EIF2S3B: variants seen among roughly 807,000 people sequenced by gnomAD.
EIF2S3B encodes the protein eukaryotic translation initiation factor 2 subunit 3B.
A neutral mutation model predicts 26.4 loss-of-function variants in EIF2S3B; 16 were observed. The observed-to-expected ratio is 0.61, with a 90% CI of 0.41 to 0.92. The LOEUF is 0.92. EIF2S3B is among the 40% of genes least tolerant of loss of function. EIF2S3B has a pLI of 0.00. For synonymous variants in EIF2S3B, 183 were observed against 204.4 expected (o/e 0.90, Z 0.89); for missense variants, 510 against 575.5 (o/e 0.89, Z 1.16).
At chr12:10,521,000 T>C (rs1358897906) in intron 1 of EIF2S3B, among the ~76,000 whole-genome samples, 1 of 152,198 alleles carries the variant, frequency 6.6e-6, no homozygotes, top group African/African-American at 2.4e-5. Flanking sequence ...TATTAGACTT[T>C]TAGGCTGTCT....
At chr12:10,517,821 T>C (rs967009934) in intron 1 of EIF2S3B, among the ~76,000 whole-genome samples, 5 of 152,146 alleles carry the variant, frequency 3.3e-5, no homozygotes, top group Non-Finnish European at 7.3e-5. Flanking sequence ...TCTTTGTTCT[T>C]GTTGGTTTCA....
chr12:10,506,434 G>A lies in EIF2S3B; in HGVS notation c.532G>A (p.Glu178Lys). The A allele has an allele frequency of 6.2e-7, 1 of 1,613,602 alleles. No individual in the cohort carries two copies. The highest frequency in any genetic ancestry group is 8.5e-7 in the Non-Finnish European group (1 of 1,179,536). Residue 178 changes from glutamate to lysine, a missense_variant, in exon 1 of 1, where the codon GAG becomes AAG. By Grantham distance (56) the Glu-to-Lys change is moderately conservative. Coordinates refer to ENST00000538173, the MANE Select transcript of EIF2S3B (RefSeq NM_001357734.3). ...PQTSEHLAAI[E>K]IMKLKHILIL... is the part of the protein sequence containing the mutation. Reference sequence around the variant, plus strand: ...GACATCTGAACACCTGGCTGCTATAGAGATCATGAAACTGAAGCATATTTT... The same window carrying A: ...GACATCTGAACACCTGGCTGCTATAAAGATCATGAAACTGAAGCATATTTT...
rs1165575886 is a variant in EIF2S3B, at chr12:10,507,112, C to G, written c.1210C>G (p.Leu404Val). ...KVQKLSKNEV[L>V]MVNIGSLSTG... ...TCAAAAGCTGTCTAAGAATGAAGTG[C>G]TCATGGTGAACATAGGATCCCTGTC... Residue 404 changes from leucine to valine, a missense_variant, in exon 1 of 1, where the codon CTC (leucine) becomes GTC (valine). Physicochemically the swap from Leu to Val is conservative, Grantham distance 32 (BLOSUM62 1). Coordinates refer to ENST00000538173, the MANE Select transcript of EIF2S3B (RefSeq NM_001357734.3). The G allele has an allele frequency of 8.7e-6, 14 of 1,613,776 alleles. No individual in the cohort carries two copies. In the East Asian group the frequency reaches 3.1e-4, roughly 36 times the overall value.
At chr12:10,516,382 G>A (rs936587070) in intron 1 of EIF2S3B, among the ~76,000 whole-genome samples, 1 of 152,016 alleles carries the variant, frequency 6.6e-6, no homozygotes, top group Non-Finnish European at 1.5e-5. Flanking sequence ...GCCATAAAAA[G>A]TCTATACAAA....
chr12:10,516,443 C>A (rs1435323019), intron 1 of EIF2S3B, among the ~76,000 whole-genome samples: 2 of 151,976 alleles, frequency 1.3e-5, no homozygotes, highest in Non-Finnish European at 2.9e-5. Flanking sequence ...AGAATTAGAG[C>A]AAAATGAATA....
Position 10,508,258 on chromosome 12 carries a change from T to G in EIF2S3B, c.*937T>G, listed in dbSNP as rs112506043. On this transcript the variant is annotated 3_prime_UTR_variant, in exon 1 of 1. Coordinates refer to ENST00000538173, the MANE Select transcript of EIF2S3B (RefSeq NM_001357734.3). ...TTTTCTCCCCTTGCTCTTCCTGGCC[T>G]GAAATACGGGAAACTAGAGTCAGAA... Among the ~76,000 whole-genome samples the G allele has an allele frequency of 6.9e-3, 1,047 of 152,240 alleles. 12 individuals carry two copies. Among genetic ancestry groups the G allele is most frequent in the Middle Eastern group, 0.02 (6 of 294 alleles).
chr12:10,506,848 T>C lies in EIF2S3B; in HGVS notation c.946T>C (p.Ser316Pro), dbSNP rs1450769057. The stretch of plus-strand genomic sequence containing the variant: ...AAAACTCATGTGTAAATCAATCTTT[T>C]CCAAAATTGTTTCACTTTTTGCGGA... ...EGKLMCKSIF[S>P]KIVSLFAEHN... Residue 316 changes from serine to proline, a missense_variant, in exon 1 of 1, where the codon TCC becomes CCC. Ser to Pro is a moderately conservative substitution (Grantham distance 74, BLOSUM62 -1). Transcript: ENST00000538173. 1.2e-6 allele frequency: 2 copies of C among 1,613,480 alleles called. No homozygotes were observed. The highest frequency in any genetic ancestry group is 1.7e-6 in the Non-Finnish European group (2 of 1,179,484).
intron 1 of EIF2S3B, among the ~76,000 whole-genome samples, chr12:10,521,019 AT>A (rs1236733947): frequency 6.6e-6 from 1 of 152,190 alleles, no homozygotes; most frequent in Admixed American, 6.6e-5. Context: ...CTTTTAGGTA[AT>A]TTAATTGCTT....
chr12:10,512,908 C>G (rs923322247), downstream of EIF2S3B, among the ~76,000 whole-genome samples: 1 of 152,032 alleles, frequency 6.6e-6, no homozygotes. Flanking sequence ...TTGAGGTGCC[C>G]GATAGGATTA....
chr12:10,521,393 T>G (rs1022066454), intron 1 of EIF2S3B, among the ~76,000 whole-genome samples: 1 of 152,148 alleles, frequency 6.6e-6, no homozygotes, highest in Non-Finnish European at 1.5e-5. Flanking sequence ...GATGTTTTTT[T>G]TTCAATTTAT....
At position 10,506,503 on chromosome 12, in the gene EIF2S3B, A is replaced by G; in HGVS notation, c.601A>G (p.Lys201Glu). The G allele has an allele frequency of 1.2e-6, 2 of 1,601,984 alleles. No homozygotes were observed. The highest frequency in any genetic ancestry group is 2.2e-5 in the South Asian group (2 of 90,834). Residue 201 changes from lysine (K) to glutamate (E), a missense_variant, in exon 1 of 1, where the codon AAA becomes GAA. Physicochemically the swap from Lys to Glu is moderately conservative, Grantham distance 56. Coordinates refer to ENST00000538173, the MANE Select transcript of EIF2S3B (RefSeq NM_001357734.3). ...TGATTTGGTAAAAGAAAGGCAGGCTAAAGAACAATACGAGCAGATCCTTGC... is the reference window on the plus strand; with the variant it reads ...TGATTTGGTAAAAGAAAGGCAGGCTGAAGAACAATACGAGCAGATCCTTGC... Reference protein sequence around the residue: ...KIDLVKERQAKEQYEQILAFV... With the variant: ...KIDLVKERQAEEQYEQILAFV...
At chr12:10,519,908 G>A (rs1395208041) in intron 1 of EIF2S3B, among the ~76,000 whole-genome samples, 2 of 152,036 alleles carry the variant, frequency 1.3e-5, no homozygotes, top group Non-Finnish European at 2.9e-5. Context: ...TTACACTGTT[G>A]GTGGGACTGT....
downstream of EIF2S3B, among the ~76,000 whole-genome samples, chr12:10,511,888 T>TA (rs541022521): frequency 6.6e-6 from 1 of 152,196 alleles, no homozygotes; most frequent in South Asian, 2.1e-4. Context: ...ATGGCTCTGT[T>TA]AAAAAAAATT....
intron 1 of EIF2S3B, among the ~76,000 whole-genome samples, chr12:10,520,333 G>C (rs1864816808): frequency 7.0e-6 from 1 of 143,506 alleles, no homozygotes; most frequent in African/African-American, 2.6e-5. Context: ...ACACAGGAAG[G>C]GGAACATCAC....
downstream of EIF2S3B, among the ~76,000 whole-genome samples, chr12:10,510,513 A>G (rs1167907741): frequency 2.6e-5 from 4 of 152,302 alleles, no homozygotes; most frequent in Admixed American, 6.5e-5. Context: ...ATAGCAGGAC[A>G]ATTTTCCTTG....
At chr12:10,519,368 T>C (rs969872894) in intron 1 of EIF2S3B, among the ~76,000 whole-genome samples, 1 of 151,668 alleles carries the variant, frequency 6.6e-6, no homozygotes, top group South Asian at 2.1e-4. Context: ...TCAAGATGGA[T>C]TAAAGACTTA....
At chr12:10,515,630 G>A (rs1225751630) in intron 1 of EIF2S3B, among the ~76,000 whole-genome samples, 2 of 151,728 alleles carry the variant, frequency 1.3e-5, no homozygotes, top group Non-Finnish European at 2.9e-5. Context: ...CATTTTATTT[G>A]TATAGAAAGG....
chr12:10,517,614 G>A (rs1591636305), intron 1 of EIF2S3B, among the ~76,000 whole-genome samples: 1 of 152,034 alleles, frequency 6.6e-6, no homozygotes, highest in East Asian at 1.9e-4. Flanking sequence ...ATTTCCTTCA[G>A]TTCTGCTCTG....
downstream of EIF2S3B, among the ~76,000 whole-genome samples, chr12:10,512,959 C>CA (rs1864720250): frequency 6.6e-6 from 1 of 152,204 alleles, no homozygotes; most frequent in South Asian, 2.1e-4. Context: ...ATCATTGCTC[C>CA]AAGAACTTCT....
Sources: allele counts gnomAD v4.1 joint callset (sites outside exome capture counted in the v4.1 genomes callset), GRCh38; gene constraint gnomAD v4.1.1; transcripts MANE v1.5; gene names NCBI Gene and HGNC (gene_info 2026-07-23, HGNC 2026-07-21).